The following DUSP16 variants were observed in gnomAD, a reference collection of about 807,000 sequenced individuals.
DUSP16 encodes the protein dual specificity protein phosphatase 16.
A neutral mutation model predicts 58.3 loss-of-function variants in DUSP16; 21 were observed. The ratio of observed to expected loss-of-function variants is 0.36; its 90% CI spans 0.26 to 0.52. The LOEUF (loss-of-function observed/expected upper bound fraction) is 0.52. DUSP16 is among the 20% of genes least tolerant of loss of function. DUSP16 has a pLI of 0.94. For synonymous variants in DUSP16, 320 were observed against 323.8 expected (o/e 0.99, Z 0.12); for missense variants, 726 against 819.0 (o/e 0.89, Z 1.39).
intron 3 of DUSP16, among the ~76,000 whole-genome samples, chr12:12,501,403 G>A (rs1281924427): frequency 6.6e-6 from 1 of 152,142 alleles, no homozygotes; most frequent in Non-Finnish European, 1.5e-5. Flanking sequence ...GTTTTTTCTA[G>A]TCCTGTCCTT....
intron 4 of DUSP16, among the ~76,000 whole-genome samples, chr12:12,487,490 A>C (rs1446186745): frequency 1.3e-5 from 2 of 152,230 alleles, no homozygotes; most frequent in Non-Finnish European, 2.9e-5. Flanking sequence ...AATACAAAAG[A>C]AAACAACAGT....
At chr12:12,541,138 T>C (rs1279328315) in intron 1 of DUSP16, among the ~76,000 whole-genome samples, 1 of 151,812 alleles carries the variant, frequency 6.6e-6, no homozygotes, top group African/African-American at 2.4e-5. Context: ...TCTCTATTTT[T>C]AGTAGAGCTG....
chr12:12,491,742 G>GC (rs1385318966), intron 4 of DUSP16, among the ~76,000 whole-genome samples: 1 of 151,978 alleles, frequency 6.6e-6, no homozygotes, highest in African/African-American at 2.4e-5. Flanking sequence ...CCTCATCTTG[G>GC]CCTCTCACTC....
chr12:12,537,981 A>C (rs1295681812), intron 1 of DUSP16, among the ~76,000 whole-genome samples: 2 of 152,138 alleles, frequency 1.3e-5, no homozygotes, highest in Non-Finnish European at 2.9e-5. Context: ...ACAATTTCCC[A>C]CTTTTGCCTG....
intron 4 of DUSP16, among the ~76,000 whole-genome samples, chr12:12,496,059 G>A (rs1414387759): frequency 6.6e-6 from 1 of 152,208 alleles, no homozygotes; most frequent in Non-Finnish European, 1.5e-5. Context: ...GTAAGGTGGA[G>A]AACTGGGATG....
chr12:12,562,578 G>T lies in DUSP16; in HGVS notation c.-827C>A. Among the ~76,000 whole-genome samples the T allele has an allele frequency of 6.7e-6, 1 of 149,622 alleles. No individual in the cohort carries two copies. The highest frequency in any genetic ancestry group is 6.6e-5 in the Admixed American group (1 of 15,068). ...GGGAAAGGCGGGGGGGTGGGGTGGGGGGTTGGGGGAAAGAGAAAGAGTCGC... is the reference window on the plus strand; with the variant it reads ...GGGAAAGGCGGGGGGGTGGGGTGGGTGGTTGGGGGAAAGAGAAAGAGTCGC... On this transcript the variant is annotated 5_prime_UTR_variant, in exon 1 of 7. Transcript: ENST00000298573.
chr12:12,557,018 C>G (rs1269544445), intron 1 of DUSP16, among the ~76,000 whole-genome samples: 2 of 152,084 alleles, frequency 1.3e-5, no homozygotes, highest in East Asian at 3.8e-4. Flanking sequence ...AACAGAGAGT[C>G]TAACCTAAGA....
In DUSP16 at chr12:12,521,026, T is replaced by G. The variant is rs1944227915; in HGVS notation, c.73A>C (p.Lys25Gln). The change falls in exon 2 of 7, where the codon AAA (lysine) becomes CAA (glutamine). Residue 25 changes from lysine to glutamine, a missense_variant. Physicochemically the swap from Lys to Gln is moderately conservative, Grantham distance 53 (BLOSUM62 1). Coordinates refer to ENST00000298573, the MANE Select transcript of DUSP16 (RefSeq NM_030640.3). ...GGCCGGCTATCAATTAGCAGCACTT[T>G]TTCCGTTCCACTTTCCAGCAGAGCC... ...LVALLESGTE[K>Q]VLLIDSRPFV... The G allele has an allele frequency of 2.5e-6, 4 of 1,614,104 alleles. No individual in the cohort carries two copies. The South Asian group carries it at 4.4e-5, about 18-fold the overall frequency.
intron 3 of DUSP16, among the ~76,000 whole-genome samples, chr12:12,501,947 G>A (rs536317142): frequency 2.9e-4 from 44 of 152,192 alleles, no homozygotes; most frequent in Non-Finnish European, 5.7e-4. Flanking sequence ...CCGAGATTGC[G>A]CCACTGCACT....
intron 2 of DUSP16, 47 bp downstream of exon 2, chr12:12,520,824 T>C: frequency 1.3e-6 from 2 of 1,597,764 alleles, no homozygotes; most frequent in Non-Finnish European, 1.7e-6. Context: ...TTATTCCTCA[T>C]TCAGTGTGTC....
intron 5 of DUSP16, among the ~76,000 whole-genome samples, chr12:12,482,391 T>TA (rs1296133155): frequency 6.6e-5 from 10 of 152,242 alleles, no homozygotes; most frequent in African/African-American, 2.4e-4. Context: ...GCAATGTGCT[T>TA]ACAACTGTTT....
At chr12:12,504,585 C>G (rs745644629) in intron 3 of DUSP16, among the ~76,000 whole-genome samples, 8 of 150,386 alleles carry the variant, frequency 5.3e-5, no homozygotes, top group Non-Finnish European at 1.2e-4. Flanking sequence ...CTCTAAAGAA[C>G]TGTCTTCATA....
intron 3 of DUSP16, among the ~76,000 whole-genome samples, chr12:12,502,052 C>T (rs1943918380): frequency 1.3e-5 from 2 of 152,052 alleles, no homozygotes; most frequent in Admixed American, 1.3e-4. Flanking sequence ...GAAGATAGTA[C>T]CTTTTTAACT....
chr12:12,557,042 C>T (rs1026821809), intron 1 of DUSP16, among the ~76,000 whole-genome samples: 4 of 151,854 alleles, frequency 2.6e-5, no homozygotes, highest in African/African-American at 4.8e-5. Context: ...TAGCCCAATA[C>T]GTGAAAAAGC....
intron 5 of DUSP16, among the ~76,000 whole-genome samples, 172 bp downstream of exon 5, chr12:12,486,852 GACAC>G (rs1280938900): frequency 6.6e-6 from 1 of 152,180 alleles, no homozygotes; most frequent in African/African-American, 2.4e-5. Flanking sequence ...GGGACAGTGT[GACAC>G]ACACGTCACC....
chr12:12,546,195 T>C (rs1392241559), intron 1 of DUSP16, among the ~76,000 whole-genome samples: 1 of 152,226 alleles, frequency 6.6e-6, no homozygotes, highest in Non-Finnish European at 1.5e-5. Flanking sequence ...TGGATAATGA[T>C]TATGTTAATG....
intron 3 of DUSP16, among the ~76,000 whole-genome samples, chr12:12,504,553 C>CGCCCT (rs1384439864): frequency 6.6e-6 from 1 of 152,008 alleles, no homozygotes; most frequent in East Asian, 1.9e-4. Context: ...TGAGCCACTG[C>CGCCCT]GCCCTGCCAG....
At chr12:12,516,283 G>A (rs1944152778) in intron 3 of DUSP16, among the ~76,000 whole-genome samples, 2 of 152,042 alleles carry the variant, frequency 1.3e-5, no homozygotes, top group Admixed American at 1.3e-4. Flanking sequence ...GGAAATAGAG[G>A]GGTGCACCAC....
At chr12:12,513,739 C>T (rs937408147) in intron 3 of DUSP16, among the ~76,000 whole-genome samples, 2 of 152,210 alleles carry the variant, frequency 1.3e-5, no homozygotes, top group African/African-American at 4.8e-5. Flanking sequence ...CATAGTAGAA[C>T]AGCATTTTTC....
Sources: allele counts gnomAD v4.1 joint callset (sites outside exome capture counted in the v4.1 genomes callset), GRCh38; gene constraint gnomAD v4.1.1; transcripts MANE v1.5; gene names NCBI Gene and HGNC (gene_info 2026-07-23, HGNC 2026-07-21).